Variants in TRPM7 observed in about 807,000 individuals in gnomAD.
TRPM7 encodes LTRPC ion channel family member 7.
A neutral mutation model predicts 229.7 loss-of-function variants in TRPM7; 134 were observed. The ratio of observed to expected loss-of-function variants is 0.58; its 90% CI spans 0.51 to 0.67. The LOEUF is 0.67. Among genes scored for constraint, TRPM7 ranks in the 30% least tolerant of loss-of-function variants. The probability of loss-of-function intolerance (pLI) is 0.00; values close to 1 mark genes in which losing one functional copy is unlikely to be tolerated. For synonymous variants in TRPM7, 699 were observed against 715.2 expected, an observed-to-expected ratio of 0.98 and a Z score of 0.36; for missense variants, 1,901 against 2,210.0, an observed-to-expected ratio of 0.86 and a Z score of 2.80.
intron 38 of TRPM7, among the ~76,000 whole-genome samples, chr15:50,563,717 C>A (rs1404631351): frequency 2.0e-5 from 3 of 152,204 alleles, no homozygotes; most frequent in African/African-American, 4.8e-5. Flanking sequence ...TGCTTTATAG[C>A]AAGCCTGCCC....
chr15:50,643,617 T>A, intron 4 of TRPM7, 64 bp from the exon 5 acceptor site: 1 of 1,414,328 alleles, frequency 7.1e-7, no homozygotes, highest in Non-Finnish European at 9.8e-7. Flanking sequence ...AATGTGACAT[T>A]ATATGACTTT....
intron 23 of TRPM7, among the ~76,000 whole-genome samples, chr15:50,595,392 G>A (rs1045557016): frequency 7.9e-5 from 12 of 151,728 alleles, no homozygotes; most frequent in Non-Finnish European, 1.6e-4. Context: ...TAACTACAAT[G>A]TGGTGTTTAG....
At chr15:50,604,655 G>T in intron 21 of TRPM7, 1 of 446,086 alleles carries the variant, frequency 2.2e-6, no homozygotes, top group Non-Finnish European at 4.0e-6. Flanking sequence ...AGATGGTATA[G>T]CTAACATTAT....
In TRPM7 at chr15:50,569,909, G is replaced by C; in HGVS notation, c.5445C>G (p.Cys1815Trp). ...TACCTGGAAGTTTAAGCTTTCTACA[G>C]CAAGAATTACAGTGATGTTTTGCTC... Reference protein sequence around the residue: ...NFRAKHHCNSCCRKLKLPDLK... With the variant: ...NFRAKHHCNSWCRKLKLPDLK... The change falls in exon 38 of 39, where the codon TGC becomes TGG. Residue 1815 changes from cysteine (C) to tryptophan (W), a missense_variant. Coordinates refer to ENST00000646667, the MANE Select transcript of TRPM7 (RefSeq NM_017672.6). 1 of 1,607,490 alleles carries C rather than the reference G, an allele frequency of 6.2e-7. No homozygotes were observed. The highest frequency in any genetic ancestry group is 8.5e-7 in the Non-Finnish European group (1 of 1,177,776).
At chr15:50,585,154 C>T (rs973705847) in intron 28 of TRPM7, among the ~76,000 whole-genome samples, 4 of 150,596 alleles carry the variant, frequency 2.7e-5, no homozygotes, top group Admixed American at 1.3e-4. Context: ...CTCCGCTTCC[C>T]GGGTTCACGC....
chr15:50,656,235 A>C (rs1004533665), intron 3 of TRPM7, among the ~76,000 whole-genome samples: 6 of 152,154 alleles, frequency 3.9e-5, no homozygotes, highest in African/African-American at 1.4e-4. Context: ...CATCTATAAG[A>C]AGAAATGAAA....
At chr15:50,677,171 C>A (rs763731903) in intron 1 of TRPM7, among the ~76,000 whole-genome samples, 5 of 152,170 alleles carry the variant, frequency 3.3e-5, no homozygotes, top group Non-Finnish European at 5.9e-5. Context: ...GGCTCTCAGA[C>A]AGCTGCCTCC....
intron 11 of TRPM7, among the ~76,000 whole-genome samples, chr15:50,626,558 G>C (rs972957456): frequency 2.0e-5 from 3 of 152,028 alleles, no homozygotes; most frequent in Non-Finnish European, 4.4e-5. Flanking sequence ...AATCAAATAG[G>C]TAACACTATG....
chr15:50,572,406 T>C (rs1301393911), intron 36 of TRPM7, among the ~76,000 whole-genome samples: 1 of 152,230 alleles, frequency 6.6e-6, no homozygotes, highest in East Asian at 1.9e-4. Context: ...TACAACTTGA[T>C]GAAGGCTTAG....
intron 29 of TRPM7, among the ~76,000 whole-genome samples, chr15:50,582,790 T>C (rs2054484517): frequency 6.6e-6 from 1 of 152,178 alleles, no homozygotes; most frequent in Non-Finnish European, 1.5e-5. Context: ...TGTGTGCTTT[T>C]AAAGGGAATT....
rs932200132 is a variant in TRPM7 at position 50,653,149 on chromosome 15, TC to T, written c.123-4265del. Among the ~76,000 whole-genome samples, 4 of 151,244 alleles carry T rather than the reference TC, an allele frequency of 2.6e-5. No individual in the cohort carries two copies. The East Asian group carries it at 7.8e-4, about 30-fold the overall frequency. On this transcript the variant is annotated intron_variant, in intron 3 of 38. Transcript: ENST00000646667. ...ACAGAGTGAGACCCTGTTTCCCCAC[TC>T]CCCCCAAAAAGAAAAAAGAAACGGA...
Position 50,675,107 on chromosome 15 carries a change from C to T in TRPM7, c.3+11424G>A, listed in dbSNP as rs143229170. 3.4e-3 allele frequency among the ~76,000 whole-genome samples: 513 copies of T among 152,282 alleles called. 6 individuals are homozygous for T. The highest frequency in any genetic ancestry group is 0.012 in the African/African-American group (498 of 41,564). ...CCTGTTATCCCAACACTTTGGGAAG[C>T]CGAGGCAGGTGGATCACCTGAGGTC... On this transcript the variant is annotated intron_variant, in intron 1 of 38. Transcript: ENST00000646667.
chr15:50,679,333 CA>C (rs778078727), intron 1 of TRPM7, among the ~76,000 whole-genome samples: 1 of 137,362 alleles, frequency 7.3e-6, no homozygotes, highest in African/African-American at 2.7e-5. Context: ...AAACACTATC[CA>C]AAAAAAACAA....
In TRPM7 at chr15:50,649,057, T is replaced by C. The variant is rs190444382; in HGVS notation, c.123-172A>G. ...TATCTATATATTAATACCTTCATCA[T>C]AGCACTGAAATAGTATAATTAGTCT... is the stretch of plus-strand genomic sequence containing the variant. On this transcript the variant is annotated intron_variant, in intron 3 of 38. Coordinates refer to ENST00000646667, the MANE Select transcript of TRPM7 (RefSeq NM_017672.6). Among the ~76,000 whole-genome samples, 118 of 152,308 alleles carry C rather than the reference T, an allele frequency of 7.7e-4. 1 individual carries two copies. The highest frequency in any genetic ancestry group is 2.7e-3 in the African/African-American group (111 of 41,588).
Position 50,561,683 on chromosome 15 carries a change from A to G in TRPM7, c.5593T>C (p.Leu1865=), listed in dbSNP as rs2141415626. The G allele has an allele frequency of 1.1e-5, 18 of 1,606,000 alleles. No individual in the cohort carries two copies. Among genetic ancestry groups the G allele is most frequent in the Non-Finnish European group, 1.5e-5 (18 of 1,178,180 alleles). The change falls in exon 39 of 39, where the codon TTA becomes CTA. Residue 1865 remains leucine, a synonymous_variant. Transcript: ENST00000646667. Reference sequence around the variant, plus strand: ...ATGATTCAGTAATATTAATATTATAACATCAGACGAACAGAATTAGTTGAT... The same window carrying G: ...ATGATTCAGTAATATTAATATTATAGCATCAGACGAACAGAATTAGTTGAT... ...SESTNSVRLM[L] is the part of the protein sequence containing the mutation.
chr15:50,609,612 T>C lies in TRPM7; in HGVS notation c.2549A>G (p.His850Arg). 1 of 1,610,058 alleles carries C rather than the reference T, an allele frequency of 6.2e-7. No individual in the cohort carries two copies. The highest frequency in any genetic ancestry group is 8.5e-7 in the Non-Finnish European group (1 of 1,178,774). The change falls in exon 19 of 39, where the codon CAT (histidine) becomes CGT (arginine). Residue 850 changes from histidine (H) to arginine (R), a missense_variant. Coordinates refer to ENST00000646667, the MANE Select transcript of TRPM7 (RefSeq NM_017672.6). ...AAACCAGAATTTTACAATTGGTGCA[T>C]GATAAAAGGCATAAAACTTTCGCGT... The part of the protein sequence containing the change: ...PITRKFYAFY[H>R]APIVKFWFNT...
chr15:50,686,706 C>T lies in TRPM7; in HGVS notation c.-173G>A, dbSNP rs1261946434. On this transcript the variant is annotated 5_prime_UTR_variant, in exon 1 of 39. Transcript: ENST00000646667. ...CAGCTCCGGCGCTAGCAGCAGAAGCCGAGTCTTTCATAATTGTGCGACCAA... is the reference window on the plus strand; with the variant it reads ...CAGCTCCGGCGCTAGCAGCAGAAGCTGAGTCTTTCATAATTGTGCGACCAA... 5 of 829,034 alleles carry T rather than the reference C, an allele frequency of 6.0e-6. No homozygotes were observed. Among genetic ancestry groups the T allele is most frequent in the Non-Finnish European group, 9.0e-6 (5 of 554,764 alleles). The allele number at this position is 829,034 out of a possible 1,614,324, so 51.4% of individuals were successfully genotyped here.
chr15:50,641,295 C>T (rs2061094268), intron 5 of TRPM7, among the ~76,000 whole-genome samples: 1 of 152,200 alleles, frequency 6.6e-6, no homozygotes, highest in Admixed American at 6.6e-5. Context: ...CCACCATACA[C>T]CAGAACTTCT....
At chr15:50,593,312 A>G (rs1366932241) in intron 25 of TRPM7, among the ~76,000 whole-genome samples, 1 of 151,888 alleles carries the variant, frequency 6.6e-6, no homozygotes. Flanking sequence ...AAAATAAATA[A>G]TAATAATAAT....
Sources: allele counts gnomAD v4.1 joint callset (sites outside exome capture counted in the v4.1 genomes callset), GRCh38; gene constraint gnomAD v4.1.1; transcripts MANE v1.5; gene names NCBI Gene and HGNC (gene_info 2026-07-23, HGNC 2026-07-21).